HVCN1: variants seen among roughly 807,000 people sequenced by gnomAD.
The protein encoded by HVCN1 is voltage-gated hydrogen channel 1.
A neutral mutation model predicts 29.2 loss-of-function variants in HVCN1; 14 were observed. The ratio of observed to expected loss-of-function variants is 0.48; its 90% CI spans 0.32 to 0.75. The LOEUF is 0.75. HVCN1 is among the 30% of genes least tolerant of loss of function. HVCN1 has a pLI of 0.04. For synonymous variants in HVCN1, 131 were observed against 133.2 expected, an observed-to-expected ratio of 0.98 and a Z score of 0.11; for missense variants, 263 against 341.8, an observed-to-expected ratio of 0.77 and a Z score of 1.82.
intron 2 of HVCN1, among the ~76,000 whole-genome samples, chr12:110,697,901 C>T (rs554411392): frequency 3.9e-5 from 6 of 152,216 alleles, no homozygotes; most frequent in South Asian, 2.1e-4. Context: ...CTGCCCACCT[C>T]GGCCTCCCAA....
intron 5 of HVCN1, among the ~76,000 whole-genome samples, chr12:110,654,989 A>AC (rs1284253266): frequency 6.6e-6 from 1 of 151,884 alleles, no homozygotes; most frequent in East Asian, 1.9e-4. Flanking sequence ...GAGTGGATCC[A>AC]CCCCACATGC....
At chr12:110,650,424 G>C (rs2067750319) in intron 6 of HVCN1, 144 bp from the exon 7 acceptor site, 1 of 587,518 alleles carries the variant, frequency 1.7e-6, no homozygotes, top group South Asian at 1.9e-5. Context: ...ATCAGAACTG[G>C]GAGGTCAGGG....
chr12:110,690,563 G>A (rs1165378296), upstream of HVCN1, among the ~76,000 whole-genome samples: 2 of 152,046 alleles, frequency 1.3e-5, no homozygotes, highest in Admixed American at 1.3e-4. Context: ...TGCAACCTCC[G>A]CCTCCTGGGT....
At chr12:110,650,744 G>A (rs1024423821) in intron 6 of HVCN1, among the ~76,000 whole-genome samples, 1 of 146,600 alleles carries the variant, frequency 6.8e-6, no homozygotes, top group Non-Finnish European at 1.5e-5. Flanking sequence ...ACCCAGGCTA[G>A]AGTGCAGTGC....
At chr12:110,688,977 CGG>C (rs112276460) in intron 1 of HVCN1, 101 bp downstream of exon 1, 32 of 151,384 alleles carry the variant, frequency 2.1e-4, no homozygotes, top group Admixed American at 6.6e-4. Flanking sequence ...AGCGGAGATG[CGG>C]GGGGGGGTCC....
Position 110,661,075 on chromosome 12 carries a change from G to A in HVCN1, c.306+89C>T. The A allele has an allele frequency of 7.7e-7, 1 of 1,291,616 alleles. No individual in the cohort carries two copies. Among genetic ancestry groups the A allele is most frequent in the Non-Finnish European group, 1.1e-6 (1 of 922,742 alleles). The allele number at this position is 1,291,616 out of a possible 1,614,324, so 80.0% of individuals were successfully genotyped here. A position where few individuals can be genotyped will look rare whatever the true frequency, so the allele number is the denominator to read the frequency against. On this transcript the variant is annotated intron_variant, in intron 4 of 7. Coordinates refer to ENST00000242607, the MANE Select transcript of HVCN1 (RefSeq NM_032369.4). This position sits in a 1 kb window ranked among gnomAD's most constrained non-coding sequence, Gnocchi z 6.2. ...CACTCGTAGAATGAATGAGGCAGTG[G>A]CCAAATGGGCTCAGCCTGGCCGCCT...
At chr12:110,656,695 T>C (rs1320018480) in intron 4 of HVCN1, among the ~76,000 whole-genome samples, 1 of 152,220 alleles carries the variant, frequency 6.6e-6, no homozygotes, top group Non-Finnish European at 1.5e-5. Flanking sequence ...ATTAAACAAG[T>C]TCAGGCCTCT....
chr12:110,677,137 T>C (rs871922), intron 3 of HVCN1, among the ~76,000 whole-genome samples: 20,710 of 151,968 alleles, frequency 0.14, 1,838 homozygotes, highest in African/African-American at 0.25. Flanking sequence ...CCCAGAATGT[T>C]GAGGCTGCAG....
At chr12:110,674,483 CA>C (rs1566051372) in intron 3 of HVCN1, among the ~76,000 whole-genome samples, 1 of 152,082 alleles carries the variant, frequency 6.6e-6, no homozygotes, top group Non-Finnish European at 1.5e-5. Context: ...TTGGAGGGGT[CA>C]GGGGCAGAAT....
At chr12:110,677,387 T>C (rs1203346383) in intron 3 of HVCN1, among the ~76,000 whole-genome samples, 3 of 152,166 alleles carry the variant, frequency 2.0e-5, no homozygotes, top group African/African-American at 7.2e-5. Flanking sequence ...GTGACTTCTT[T>C]TGCGTAGAAT....
At chr12:110,649,595 G>A in intron 7 of HVCN1, 120 bp from the exon 8 acceptor site, 1 of 741,076 alleles carries the variant, frequency 1.3e-6, no homozygotes, top group Non-Finnish European at 2.4e-6. Flanking sequence ...TACGCTGTTT[G>A]TGGCATTCAG....
chr12:110,701,043 C>T (rs1410914918), intron 2 of HVCN1, among the ~76,000 whole-genome samples: 2 of 152,216 alleles, frequency 1.3e-5, no homozygotes, highest in Non-Finnish European at 2.9e-5. Flanking sequence ...GGAAGTTAGA[C>T]CAACACAGAG....
intron 3 of HVCN1, among the ~76,000 whole-genome samples, chr12:110,677,263 A>G (rs1204694147): frequency 3.3e-5 from 5 of 150,868 alleles, no homozygotes; most frequent in Admixed American, 1.3e-4. Flanking sequence ...TGCACGCTCT[A>G]TCTAGCCTCT....
intron 1 of HVCN1, among the ~76,000 whole-genome samples, chr12:110,703,738 G>A (rs1566074717): frequency 1.3e-5 from 2 of 151,836 alleles, no homozygotes; most frequent in Middle Eastern, 3.2e-3. Flanking sequence ...AGGCTGGAGT[G>A]CAATGGCATG....
upstream of HVCN1, among the ~76,000 whole-genome samples, chr12:110,694,322 A>G (rs1301025221): frequency 6.6e-6 from 1 of 152,196 alleles, no homozygotes; most frequent in East Asian, 1.9e-4. This position sits in a 1 kb window ranked among gnomAD's most constrained non-coding sequence, Gnocchi z 4.6. Flanking sequence ...TTGGTCTCTC[A>G]AAGTGCTGGG....
At position 110,661,115 on chromosome 12, in the gene HVCN1, G is replaced by C; in HGVS notation, c.306+49C>G. ...CCTGGCCGCCTGCCTCACATTCCCC[G>C]ATGGCTCTCCTGCCAGCTCTGGGTA... On this transcript the variant is annotated intron_variant, in intron 4 of 7. Transcript: ENST00000242607. The surrounding 1 kb of genome is among the most constrained non-coding windows in gnomAD (Gnocchi z 6.2). 1 of 1,534,588 alleles carries C rather than the reference G, an allele frequency of 6.5e-7. No individual in the cohort carries two copies. The highest frequency in any genetic ancestry group is 8.8e-7 in the Non-Finnish European group (1 of 1,134,224).
At chr12:110,662,172 T>C (rs1279268298) in intron 3 of HVCN1, among the ~76,000 whole-genome samples, 3 of 151,812 alleles carry the variant, frequency 2.0e-5, no homozygotes, top group Non-Finnish European at 4.4e-5. Flanking sequence ...GGAGATGGGG[T>C]GGCCGTCCAG....
intron 3 of HVCN1, among the ~76,000 whole-genome samples, chr12:110,675,178 G>T: frequency 6.6e-6 from 1 of 152,240 alleles, no homozygotes; most frequent in East Asian, 1.9e-4. Flanking sequence ...CAAACATAAA[G>T]CTGGGTGCGG....
upstream of HVCN1, chr12:110,689,245 C>T (rs2069338644): frequency 6.7e-6 from 1 of 150,236 alleles, no homozygotes; most frequent in Admixed American, 6.6e-5. This position sits in a 1 kb window ranked among gnomAD's most constrained non-coding sequence, Gnocchi z 5.7. Context: ...CGGCGGGCTT[C>T]TAGGCCTCGG....
Sources: gnomAD v4.1 joint callset for allele counts (sites outside exome capture counted in the v4.1 genomes callset) on GRCh38, gnomAD v4.1.1 for gene constraint, Gnocchi (gnomAD v3.1) non-coding constraint, MANE v1.5 for transcripts, NCBI Gene and HGNC (gene_info 2026-07-23, HGNC 2026-07-21) for gene names.